The following SPACA7 variants were observed in gnomAD, a reference collection of about 807,000 sequenced individuals.
The protein encoded by SPACA7 is sperm acrosome-associated protein 7.
SPACA7 carries 19 observed loss-of-function variants against 26.3 expected under a neutral mutation model. The observed-to-expected ratio is 0.72, with a 90% CI of 0.50 to 1.06. SPACA7 has a LOEUF of 1.06. SPACA7 is among the 50% of genes least tolerant of loss of function. The probability of loss-of-function intolerance (pLI) is 0.00; values close to 1 mark genes in which losing one functional copy is unlikely to be tolerated. For synonymous variants in SPACA7, 84 were observed against 84.5 expected (o/e 0.99, Z 0.04); for missense variants, 211 against 229.9 (o/e 0.92, Z 0.53).
Position 112,395,722 on chromosome 13 carries a change from G to A in SPACA7, c.152-2327G>A, listed in dbSNP as rs187513407. Among the ~76,000 whole-genome samples, 139 of 152,226 alleles carry A rather than the reference G, an allele frequency of 9.1e-4. No homozygotes were observed. In the Middle Eastern group the frequency reaches 0.024, roughly 26 times the overall value. The stretch of plus-strand genomic sequence containing the variant: ...TAACCTCAGGTGATCTGCCCACCTC[G>A]GCCTCCCAGTGCGCTGGGATTACAG... On this transcript the variant is annotated intron_variant, in intron 2 of 6. Coordinates refer to ENST00000283550, the MANE Select transcript of SPACA7 (RefSeq NM_145248.5).
At chr13:112,418,449 C>A (rs1886826175) in intron 5 of SPACA7, among the ~76,000 whole-genome samples, 1 of 151,904 alleles carries the variant, frequency 6.6e-6, no homozygotes, top group South Asian at 2.1e-4. Context: ...AGATAAAAAA[C>A]CATCTACCAG....
chr13:112,434,209 C>A (rs1042892606), intron 6 of SPACA7, among the ~76,000 whole-genome samples: 1 of 152,218 alleles, frequency 6.6e-6, no homozygotes, highest in Admixed American at 6.5e-5. Flanking sequence ...ACCAGTCCAG[C>A]TCCGCCAGGC....
intron 1 of SPACA7, among the ~76,000 whole-genome samples, chr13:112,382,671 G>A (rs1566451916): frequency 6.6e-6 from 1 of 152,074 alleles, no homozygotes; most frequent in Non-Finnish European, 1.5e-5. Flanking sequence ...CTAGGATAAG[G>A]AGCACAATTT....
intron 5 of SPACA7, among the ~76,000 whole-genome samples, chr13:112,426,605 A>G (rs576784394): frequency 1.5e-4 from 23 of 152,312 alleles, no homozygotes; most frequent in African/African-American, 5.1e-4. Context: ...AAGATCTGGC[A>G]TATATTTTAT....
Position 112,377,964 on chromosome 13 carries a change from A to G in SPACA7, c.94+1485A>G, listed in dbSNP as rs537701532. On this transcript the variant is annotated intron_variant, in intron 1 of 6. Coordinates refer to ENST00000283550, the MANE Select transcript of SPACA7 (RefSeq NM_145248.5). ...GAGAAGATTTCTGGATTTTGGGCTCAAGGTATCTTCAGCCGATGGGGCAAG... is the reference window on the plus strand; with the variant it reads ...GAGAAGATTTCTGGATTTTGGGCTCGAGGTATCTTCAGCCGATGGGGCAAG... Among the ~76,000 whole-genome samples, 40 of 152,284 alleles carry G rather than the reference A, an allele frequency of 2.6e-4. No individual in the cohort carries two copies. The South Asian group carries it at 8.3e-3, about 32-fold the overall frequency.
At chr13:112,431,968 A>G (rs1471261989) in intron 5 of SPACA7, among the ~76,000 whole-genome samples, 2 of 152,202 alleles carry the variant, frequency 1.3e-5, no homozygotes, top group South Asian at 4.1e-4. Flanking sequence ...ACCACACAGC[A>G]TAGTCATTGG....
intron 5 of SPACA7, among the ~76,000 whole-genome samples, chr13:112,402,195 T>C (rs1333243385): frequency 6.6e-6 from 1 of 152,246 alleles, no homozygotes; most frequent in Admixed American, 6.5e-5. Context: ...TTCTGTTTGT[T>C]CAATGTCATT....
intron 5 of SPACA7, among the ~76,000 whole-genome samples, chr13:112,401,473 T>G (rs1284842664): frequency 6.6e-6 from 1 of 152,216 alleles, no homozygotes; most frequent in East Asian, 1.9e-4. Context: ...CTGTTTATAT[T>G]TTAAGAACAA....
At chr13:112,402,357 C>T (rs980104663) in intron 5 of SPACA7, among the ~76,000 whole-genome samples, 12 of 151,886 alleles carry the variant, frequency 7.9e-5, no homozygotes, top group African/African-American at 2.9e-4. Flanking sequence ...TGTATGAATG[C>T]CTTGATTTCT....
chr13:112,397,905 C>G, intron 2 of SPACA7, 144 bp from the exon 3 acceptor site: 1 of 561,168 alleles, frequency 1.8e-6, no homozygotes, highest in Non-Finnish European at 3.2e-6. Context: ...AAGTCAAGTC[C>G]CACATCCCCT....
intron 5 of SPACA7, among the ~76,000 whole-genome samples, chr13:112,417,925 T>A (rs528084257): frequency 2.2e-4 from 34 of 152,330 alleles, no homozygotes; most frequent in African/African-American, 7.9e-4. Flanking sequence ...GATATTTGAG[T>A]ATTTTATAGT....
chr13:112,432,598 G>A (rs1255779318), intron 6 of SPACA7, 77 bp downstream of exon 6: 21 of 1,155,210 alleles, frequency 1.8e-5, no homozygotes, highest in Non-Finnish European at 2.7e-5. Context: ...GTGTCTCCGA[G>A]CAGCTCCAGG....
At chr13:112,403,956 G>T (rs1158344020) in intron 5 of SPACA7, among the ~76,000 whole-genome samples, 1 of 152,182 alleles carries the variant, frequency 6.6e-6, no homozygotes, top group Non-Finnish European at 1.5e-5. Flanking sequence ...AGGATTGCTG[G>T]ATCACATGGT....
At chr13:112,433,879 C>T (rs1172883938) in intron 6 of SPACA7, among the ~76,000 whole-genome samples, 4 of 152,224 alleles carry the variant, frequency 2.6e-5, no homozygotes, top group Non-Finnish European at 5.9e-5. Flanking sequence ...AGGACAACCT[C>T]TGCTGCTTTA....
At chr13:112,401,564 C>G (rs1885643402) in intron 5 of SPACA7, among the ~76,000 whole-genome samples, 1 of 152,108 alleles carries the variant, frequency 6.6e-6, no homozygotes, top group South Asian at 2.1e-4. Flanking sequence ...TGACTTTTGA[C>G]TACGTTTATA....
At chr13:112,376,599 G>C in intron 1 of SPACA7, 120 bp downstream of exon 1, 2 of 1,049,332 alleles carry the variant, frequency 1.9e-6, no homozygotes, top group Non-Finnish European at 2.7e-6. Context: ...TTATTCCTTG[G>C]GGAATGAATG....
chr13:112,428,796 T>A (rs1876787936), intron 5 of SPACA7, among the ~76,000 whole-genome samples: 1 of 152,200 alleles, frequency 6.6e-6, no homozygotes, highest in African/African-American at 2.4e-5. Flanking sequence ...TTCCAAGTGT[T>A]CCTGAAAAGT....
chr13:112,383,134 AAAGAAAGAAAG>A (rs1884261868), intron 1 of SPACA7, among the ~76,000 whole-genome samples: 2 of 3,558 alleles, frequency 5.6e-4, no homozygotes, highest in Admixed American at 3.0e-3. Context: ...AGAAAGAAAG[AAAGAAAGAAAG>A]AAAGAAAGAA....
intron 5 of SPACA7, among the ~76,000 whole-genome samples, chr13:112,424,308 C>T (rs541601974): frequency 5.9e-5 from 9 of 152,204 alleles, no homozygotes; most frequent in Non-Finnish European, 1.0e-4. Context: ...TTCAATTCTG[C>T]GTTTAGCCTT....
Sources: gnomAD v4.1 joint callset for allele counts (sites outside exome capture counted in the v4.1 genomes callset) on GRCh38, gnomAD v4.1.1 for gene constraint, MANE v1.5 for transcripts, NCBI Gene and HGNC (gene_info 2026-07-23, HGNC 2026-07-21) for gene names.